The following SLC11A2 variants were observed in gnomAD, a reference collection of about 807,000 sequenced individuals.
SLC11A2 encodes the protein solute carrier family 11 member 2, also known as natural resistance-associated macrophage protein 2.
Under a neutral mutation model 68.0 loss-of-function variants are expected in SLC11A2, and 38 were observed. The ratio of observed to expected loss-of-function variants is 0.56; its 90% confidence interval spans 0.43 to 0.73. The LOEUF is 0.73. SLC11A2 is among the 30% of genes least tolerant of loss of function. The probability of loss-of-function intolerance (pLI) is 0.00; values close to 1 mark genes in which losing one functional copy is unlikely to be tolerated. For missense variants in SLC11A2, 517 were observed against 690.5 expected, an observed-to-expected ratio of 0.75 and a Z score of 2.82; for synonymous variants, 242 against 250.6, an observed-to-expected ratio of 0.97 and a Z score of 0.32.
At chr12:50,980,721 T>C (rs1010255625), downstream of SLC11A2, 4 of 152,266 alleles carry the variant, frequency 2.6e-5, no homozygotes, top group African/African-American at 9.6e-5. Flanking sequence ...ACAATACAAA[T>C]ATTGGCCACT....
chr12:51,009,903 C>T (rs1229847635), intron 2 of SLC11A2, among the ~76,000 whole-genome samples: 3 of 152,118 alleles, frequency 2.0e-5, no homozygotes, highest in East Asian at 3.8e-4. Context: ...TTTTCAGGGC[C>T]GGGCACAGTG....
chr12:50,998,056 G>T (rs1476605467), intron 8 of SLC11A2, among the ~76,000 whole-genome samples: 1 of 151,114 alleles, frequency 6.6e-6, no homozygotes, highest in African/African-American at 2.4e-5. Context: ...ATTCCACAAG[G>T]CTCAAAAATA....
chr12:50,953,292 G>T, the SLC11A2 span, among the ~76,000 whole-genome samples: 2 of 152,224 alleles, frequency 1.3e-5, no homozygotes, highest in East Asian at 1.9e-4. Context: ...GTTTTCTGAT[G>T]AAGTCTCATT....
At chr12:51,024,300 G>T (rs1009846704) in intron 1 of SLC11A2, 60 of 152,218 alleles carry the variant, frequency 3.9e-4, no homozygotes, top group African/African-American at 1.4e-3. Context: ...GCAGACATTT[G>T]TACGTATGTG....
downstream of SLC11A2, among the ~76,000 whole-genome samples, chr12:50,982,715 G>A (rs888869430): frequency 3.9e-5 from 6 of 152,066 alleles, no homozygotes; most frequent in South Asian, 4.1e-4. Context: ...AGGCCGAGGC[G>A]CATGGATCAC....
chr12:50,978,434 T>C (rs140846009), downstream of SLC11A2, among the ~76,000 whole-genome samples: 1 of 138,650 alleles, frequency 7.2e-6, no homozygotes, highest in Admixed American at 8.1e-5. Flanking sequence ...TAGGTGGGAA[T>C]TGAACAATGA....
At position 50,987,685 on chromosome 12, in the gene SLC11A2, T is replaced by C. The variant is rs2136160558; in HGVS notation, c.*640A>G. The C allele has an allele frequency of 7.8e-7, 1 of 1,287,166 alleles. No homozygotes were observed. The highest frequency in any genetic ancestry group is 1.0e-6 in the Non-Finnish European group (1 of 988,640). The allele number at this position is 1,287,166 out of a possible 1,614,324, so 79.7% of individuals were successfully genotyped here. A position where few individuals can be genotyped will look rare whatever the true frequency, so the allele number is the denominator to read the frequency against. ...CCACCTAGCGATGTGGTGCTGGTTT[T>C]GTTAGTTGTCAGTTTTTCCCCTTCT... On this transcript the variant is annotated 3_prime_UTR_variant, in exon 16 of 16. Coordinates refer to ENST00000262052, the MANE Select transcript of SLC11A2 (RefSeq NM_000617.3).
the SLC11A2 span, chr12:50,961,110 G>A: frequency 2.4e-5 from 38 of 1,612,764 alleles, no homozygotes; most frequent in Non-Finnish European, 3.0e-5. Context: ...TAGGTAACCC[G>A]CTTAATTTGT....
At chr12:50,994,350 A>G (rs1300171773) in intron 11 of SLC11A2, among the ~76,000 whole-genome samples, 194 bp downstream of exon 11, 2 of 152,068 alleles carry the variant, frequency 1.3e-5, no homozygotes, top group African/African-American at 4.8e-5. Flanking sequence ...CCCGGCCTGT[A>G]TTATATATCT....
At chr12:50,973,325 C>T in the SLC11A2 span, among the ~76,000 whole-genome samples, 2 of 152,170 alleles carry the variant, frequency 1.3e-5, no homozygotes, top group Admixed American at 6.5e-5. Flanking sequence ...GCAACATTTG[C>T]TGTTCACCAA....
chr12:50,952,505 C>CA, the SLC11A2 span, among the ~76,000 whole-genome samples: 15 of 152,226 alleles, frequency 9.9e-5, no homozygotes, highest in African/African-American at 3.4e-4. Context: ...CAAGGGGCCC[C>CA]AAGGCTACAA....
intron 14 of SLC11A2, 115 bp from the exon 15 acceptor site, chr12:50,991,063 ATTTG>A: frequency 3.1e-6 from 3 of 957,350 alleles, no homozygotes; most frequent in Admixed American, 1.8e-5. Context: ...ATTGTTCTTA[ATTTG>A]AAAAAAAATG....
intron 5 of SLC11A2, among the ~76,000 whole-genome samples, chr12:51,002,846 A>G (rs372180099): frequency 6.6e-6 from 1 of 151,992 alleles, no homozygotes; most frequent in African/African-American, 2.4e-5. Context: ...AGGCTGAGGC[A>G]GGAGAATAGC....
At chr12:51,012,531 C>T (rs1943316755) in intron 1 of SLC11A2, among the ~76,000 whole-genome samples, 1 of 152,138 alleles carries the variant, frequency 6.6e-6, no homozygotes, top group Admixed American at 6.6e-5. Context: ...CTTTTTTCCA[C>T]CCTTGTCCCT....
Position 50,986,996 on chromosome 12 carries a change from T to C in SLC11A2, c.*1329A>G, listed in dbSNP as rs1256004976. On this transcript the variant is annotated 3_prime_UTR_variant, in exon 16 of 16. Coordinates refer to ENST00000262052, the MANE Select transcript of SLC11A2 (RefSeq NM_000617.3). ...ACTGTTCTCACCAAATCAATGACTATAAAACAGTTTTGATTATTTATCTCC... is the reference window on the plus strand; with the variant it reads ...ACTGTTCTCACCAAATCAATGACTACAAAACAGTTTTGATTATTTATCTCC... 1 of 1,285,912 alleles carries C rather than the reference T, an allele frequency of 7.8e-7. No individual in the cohort carries two copies. The highest frequency in any genetic ancestry group is 1.0e-6 in the Non-Finnish European group (1 of 987,992). 79.7% of individuals were successfully genotyped at this position (1,285,912 alleles called of 1,614,324 possible).
intron 11 of SLC11A2, among the ~76,000 whole-genome samples, chr12:50,993,790 T>C (rs1197106079): frequency 2.0e-5 from 3 of 151,168 alleles, no homozygotes; most frequent in Non-Finnish European, 4.4e-5. Flanking sequence ...ATCACGCCAG[T>C]GCACTCCAGC....
downstream of SLC11A2, among the ~76,000 whole-genome samples, chr12:50,978,434 T>G (rs140846009): frequency 5.3e-3 from 737 of 138,638 alleles, 8 homozygotes; most frequent in African/African-American, 0.019. Flanking sequence ...TAGGTGGGAA[T>G]TGAACAATGA....
chr12:50,960,608 T>A, the SLC11A2 span, among the ~76,000 whole-genome samples: 3 of 152,184 alleles, frequency 2.0e-5, no homozygotes, highest in Non-Finnish European at 4.4e-5. Context: ...ATCTTTCAGG[T>A]TCTTATCCTG....
chr12:50,986,439 A>G lies in SLC11A2; in HGVS notation c.*1886T>C. 3.1e-6 allele frequency: 4 copies of G among 1,284,758 alleles called. No homozygotes were observed. Among genetic ancestry groups the G allele is most frequent in the Non-Finnish European group, 4.1e-6 (4 of 986,690 alleles). The allele number at this position is 1,284,758 out of a possible 1,614,324, so 79.6% of individuals were successfully genotyped here. Reference sequence around the variant, plus strand: ...TTGGAAGGAGTTTTCTATCATTGCAAGTCATAAATATAACTTTTAAAAGAA... The same window carrying G: ...TTGGAAGGAGTTTTCTATCATTGCAGGTCATAAATATAACTTTTAAAAGAA... On this transcript the variant is annotated 3_prime_UTR_variant, in exon 16 of 16. Transcript: ENST00000262052.
Sources: gnomAD v4.1 joint callset for allele counts (sites outside exome capture counted in the v4.1 genomes callset) on GRCh38, gnomAD v4.1.1 for gene constraint, MANE v1.5 for transcripts, NCBI Gene and HGNC (gene_info 2026-07-23, HGNC 2026-07-21) for gene names.